LARP4: variants seen among roughly 807,000 people sequenced by gnomAD.
LARP4 encodes the protein la-related protein 4.
In LARP4, 29 loss-of-function variants were observed where a neutral mutation model predicts 92.9. That is an observed-to-expected ratio of 0.31 (90% CI 0.23 to 0.43). LARP4 has a LOEUF of 0.43. LARP4 is among the 20% of genes least tolerant of loss of function. The probability of loss-of-function intolerance (pLI) is 1.00; values close to 1 mark genes in which losing one functional copy is unlikely to be tolerated. For synonymous variants in LARP4, 279 were observed against 284.1 expected, an observed-to-expected ratio of 0.98 and a Z score of 0.18; for missense variants, 732 against 860.0, an observed-to-expected ratio of 0.85 and a Z score of 1.86.
chr12:50,474,162 C>T lies in LARP4; in HGVS notation c.1831C>T (p.Leu611=). 6.3e-7 allele frequency: 1 copy of T among 1,593,538 alleles called. No homozygotes were observed. The highest frequency in any genetic ancestry group is 8.5e-7 in the Non-Finnish European group (1 of 1,173,592). ...NNINAATAVA[L]QEPRKLSYAE... is the part of the protein sequence containing the mutation. ...CATAAATGCAGCTACAGCTGTGGCT[C>T]TACAGGTAACTTGAAGATTTTAGTT... Residue 611 remains leucine (L), a synonymous_variant, in exon 15 of 16, where the codon CTA becomes TTA. Coordinates refer to ENST00000398473, the MANE Select transcript of LARP4 (RefSeq NM_052879.5).
chr12:50,402,103 C>T (rs892984670), intron 1 of LARP4, among the ~76,000 whole-genome samples: 6 of 151,834 alleles, frequency 4.0e-5, no homozygotes, highest in African/African-American at 7.3e-5. Context: ...ATCTAGGAGC[C>T]GGGGCCAGCC....
At chr12:50,431,288 C>T (rs995582984) in intron 4 of LARP4, among the ~76,000 whole-genome samples, 5 of 151,852 alleles carry the variant, frequency 3.3e-5, no homozygotes, top group Admixed American at 6.6e-5. Context: ...AAAGTGTAGT[C>T]TCCAGTCTGA....
chr12:50,466,936 G>A (rs1216580645), intron 12 of LARP4, 23 bp from the exon 13 acceptor site: 1 of 1,596,678 alleles, frequency 6.3e-7, no homozygotes, highest in Non-Finnish European at 8.6e-7. Flanking sequence ...CATGTGACCT[G>A]TTTTATTATT....
At chr12:50,449,451 C>CT (rs956505570) in intron 8 of LARP4, among the ~76,000 whole-genome samples, 1 of 152,000 alleles carries the variant, frequency 6.6e-6, no homozygotes. Flanking sequence ...GTCGCTAGAT[C>CT]TTTTTTTCTT....
At chr12:50,469,025 T>C (rs1469044378) in intron 13 of LARP4, among the ~76,000 whole-genome samples, 1 of 152,142 alleles carries the variant, frequency 6.6e-6, no homozygotes, top group Non-Finnish European at 1.5e-5. Flanking sequence ...TTCTCACTCT[T>C]GTTTCACTCT....
chr12:50,477,556 G>A lies in LARP4; in HGVS notation c.*1692G>A, dbSNP rs1226119653. The A allele has an allele frequency of 6.6e-6, 1 of 152,516 alleles. No homozygotes were observed. The highest frequency in any genetic ancestry group is 1.5e-5 in the Non-Finnish European group (1 of 67,942). 9.4% of individuals were successfully genotyped at this position (152,516 alleles called of 1,614,324 possible). Reference sequence around the variant, plus strand: ...TGTGAAATTCATCTTCCAACTCTAAGTTAAGCTTTGGAGATACATGTTAGT... The same window carrying A: ...TGTGAAATTCATCTTCCAACTCTAAATTAAGCTTTGGAGATACATGTTAGT... On this transcript the variant is annotated 3_prime_UTR_variant, in exon 16 of 16. Coordinates refer to ENST00000398473, the MANE Select transcript of LARP4 (RefSeq NM_052879.5).
At chr12:50,467,855 C>A (rs1279947069) in intron 13 of LARP4, among the ~76,000 whole-genome samples, 2 of 50,480 alleles carry the variant, frequency 4.0e-5, no homozygotes, top group African/African-American at 6.2e-5. Context: ...TATTCTAATT[C>A]AGTTTTTTTT....
At chr12:50,430,681 A>G (rs530021645) in intron 4 of LARP4, 111 bp downstream of exon 4, 59 of 618,676 alleles carry the variant, frequency 9.5e-5, no homozygotes, top group African/African-American at 8.9e-4. Flanking sequence ...TATTTTCTTG[A>G]GACAGAGTCT....
chr12:50,432,305 T>A (rs1251109036), intron 4 of LARP4, among the ~76,000 whole-genome samples: 1 of 152,206 alleles, frequency 6.6e-6, no homozygotes, highest in Non-Finnish European at 1.5e-5. Context: ...GAGCTTTTTT[T>A]CTGTTAGGCA....
chr12:50,453,171 T>C (rs1953576730), intron 8 of LARP4, among the ~76,000 whole-genome samples: 1 of 151,206 alleles, frequency 6.6e-6, no homozygotes, highest in African/African-American at 2.4e-5. Context: ...CCCCTTGACC[T>C]CTGAAAGTGC....
In LARP4 at chr12:50,440,545, A is replaced by C; in HGVS notation, c.746A>C (p.Gln249Pro). 1 of 1,601,630 alleles carries C rather than the reference A, an allele frequency of 6.2e-7. No individual in the cohort carries two copies. Among genetic ancestry groups the C allele is most frequent in the Non-Finnish European group, 8.6e-7 (1 of 1,168,770 alleles). ...YITFQSDTDA[Q>P]QAFKYLREEV... ...ACTTTCCAGTCAGACACAGATGCAC[A>C]ACAGGTAAGAAGAAAACATTTTCTG... is the stretch of plus-strand genomic sequence containing the variant. The change falls in exon 7 of 16, where the codon CAA becomes CCA. Residue 249 changes from glutamine to proline, a missense_variant. Gln to Pro is a moderately conservative substitution (Grantham distance 76). Transcript: ENST00000398473.
chr12:50,440,813 C>T (rs1435804100), intron 7 of LARP4, among the ~76,000 whole-genome samples: 3 of 151,698 alleles, frequency 2.0e-5, no homozygotes, highest in African/African-American at 7.3e-5. Context: ...GAACCATGTA[C>T]CTAGTGGTAT....
rs1235999011 is a variant in LARP4 at position 50,477,938 on chromosome 12, T to C, written c.*2074T>C. 8 of 152,572 alleles carry C rather than the reference T, an allele frequency of 5.2e-5. No homozygotes were observed. The highest frequency in any genetic ancestry group is 1.2e-4 in the Non-Finnish European group (8 of 67,950). The allele number at this position is 152,572 out of a possible 1,614,324, so 9.5% of individuals were successfully genotyped here. A position where few individuals can be genotyped will look rare whatever the true frequency, so the allele number is the denominator to read the frequency against. ...GTTTTAAGTGTTAACATCCTTTGAA[T>C]GCGTTGGATTTCAGAGAATAAACAT... On this transcript the variant is annotated 3_prime_UTR_variant, in exon 16 of 16. Transcript: ENST00000398473.
intron 12 of LARP4, among the ~76,000 whole-genome samples, chr12:50,464,458 C>T (rs1955873557): frequency 1.3e-5 from 2 of 152,254 alleles, no homozygotes. Context: ...ATGGCACAAT[C>T]TCAGCTCACT....
At chr12:50,412,212 A>G (rs1946031210) in intron 1 of LARP4, among the ~76,000 whole-genome samples, 1 of 152,206 alleles carries the variant, frequency 6.6e-6, no homozygotes, top group African/African-American at 2.4e-5. Context: ...CTTTTTGTAA[A>G]ATAGCCCTAA....
At chr12:50,421,461 G>A (rs555872206) in intron 1 of LARP4, among the ~76,000 whole-genome samples, 2 of 151,838 alleles carry the variant, frequency 1.3e-5, no homozygotes, top group African/African-American at 4.8e-5. Context: ...GGACAATATG[G>A]TGAAATCCCG....
Position 50,433,266 on chromosome 12 carries a change from G to T in LARP4, c.399-2222G>T, listed in dbSNP as rs922667988. 7.3e-5 allele frequency among the ~76,000 whole-genome samples: 7 copies of T among 96,492 alleles called. No individual in the cohort carries two copies. In the East Asian group the frequency reaches 2.4e-3, roughly 33 times the overall value. The allele number at this position is 96,492 out of a possible 152,430, so 63.3% of individuals were successfully genotyped here. A position where few individuals can be genotyped will look rare whatever the true frequency, so the allele number is the denominator to read the frequency against. On this transcript the variant is annotated intron_variant, in intron 4 of 15. Coordinates refer to ENST00000398473, the MANE Select transcript of LARP4 (RefSeq NM_052879.5). ...ACAGCTTTCCCAGATCTCCAAAAAC[G>T]TGATTTTTTTTTTTTTTTTTTTTGT...
At chr12:50,402,005 G>T (rs1436511229) in intron 1 of LARP4, among the ~76,000 whole-genome samples, 2 of 152,144 alleles carry the variant, frequency 1.3e-5, no homozygotes, top group African/African-American at 2.4e-5. Flanking sequence ...AACCAGCAAA[G>T]CTGCAACTTC....
Position 50,453,760 on chromosome 12 carries a change from T to C in LARP4, c.1017+88T>C, listed in dbSNP as rs1593270550. 1.9e-5 allele frequency: 15 copies of C among 803,842 alleles called. 1 individual carries two copies. The South Asian group carries it at 2.6e-4, about 14-fold the overall frequency. 49.8% of individuals were successfully genotyped at this position (803,842 alleles called of 1,614,324 possible). A position where few individuals can be genotyped will look rare whatever the true frequency, so the allele number is the denominator to read the frequency against. On this transcript the variant is annotated intron_variant, in intron 9 of 15. Transcript: ENST00000398473. ...ATCAGTTGGAGTGGGAGCTCATTTATGTTGACATTGATGACTTTTTGGCCT... is the reference window on the plus strand; with the variant it reads ...ATCAGTTGGAGTGGGAGCTCATTTACGTTGACATTGATGACTTTTTGGCCT...
Sources: gnomAD v4.1 joint callset for allele counts (sites outside exome capture counted in the v4.1 genomes callset) on GRCh38, gnomAD v4.1.1 for gene constraint, MANE v1.5 for transcripts, NCBI Gene and HGNC (gene_info 2026-07-23, HGNC 2026-07-21) for gene names.